IQCM: variants seen among roughly 807,000 people sequenced by gnomAD.
The protein encoded by IQCM is IQ domain-containing protein M.
IQCM carries 45 observed loss-of-function variants against 57.6 expected under a neutral mutation model. The observed-to-expected ratio is 0.78, with a 90% CI of 0.62 to 1.00. The LOEUF (loss-of-function observed/expected upper bound fraction) is 1.00, where lower values mean the gene tolerates loss of function less well. Ranked by LOEUF, IQCM falls within the 50% of genes least tolerant of loss-of-function variation. The pLI is 0.00. For synonymous variants in IQCM, 148 were observed against 158.9 expected (o/e 0.93, Z 0.51); for missense variants, 468 against 511.6 (o/e 0.91, Z 0.82).
At chr4:149,647,310 C>T (rs1304608384) in intron 7 of IQCM, among the ~76,000 whole-genome samples, 1 of 151,484 alleles carries the variant, frequency 6.6e-6, no homozygotes, top group Non-Finnish European at 1.5e-5. Flanking sequence ...ATTTTATTTT[C>T]CCTTATATTT....
chr4:149,493,585 T>C (rs1742329508), intron 12 of IQCM, among the ~76,000 whole-genome samples: 1 of 152,082 alleles, frequency 6.6e-6, no homozygotes, highest in African/African-American at 2.4e-5. Flanking sequence ...TGTGTTTGCA[T>C]TAAGTAGCCC....
chr4:149,620,363 A>G (rs1217452108), intron 8 of IQCM, among the ~76,000 whole-genome samples: 1 of 152,098 alleles, frequency 6.6e-6, no homozygotes, highest in East Asian at 1.9e-4. Context: ...AATAACAGCA[A>G]ATGGCAAGTC....
At chr4:149,459,621 C>G (rs1389869160) in intron 12 of IQCM, among the ~76,000 whole-genome samples, 1 of 152,196 alleles carries the variant, frequency 6.6e-6, no homozygotes, top group African/African-American at 2.4e-5. Flanking sequence ...TCTCCTCCCC[C>G]AGCCCCTGGC....
chr4:149,452,066 G>A (rs1737177800), intron 12 of IQCM, among the ~76,000 whole-genome samples: 2 of 151,490 alleles, frequency 1.3e-5, no homozygotes, highest in African/African-American at 2.4e-5. Context: ...TTATATATGT[G>A]CAATAAAAAT....
intron 10 of IQCM, among the ~76,000 whole-genome samples, chr4:149,555,841 G>A (rs765863496): frequency 2.0e-5 from 3 of 152,166 alleles, no homozygotes; most frequent in Non-Finnish European, 2.9e-5. Context: ...TTCAATTTGA[G>A]TACCTTTTCC....
chr4:149,782,191 A>G (rs745931395), intron 2 of IQCM, among the ~76,000 whole-genome samples: 7 of 152,194 alleles, frequency 4.6e-5, no homozygotes, highest in Non-Finnish European at 8.8e-5. Flanking sequence ...TGTTATGCAT[A>G]AGCAAGATAA....
intron 2 of IQCM, among the ~76,000 whole-genome samples, chr4:149,802,998 A>G (rs191647303): frequency 6.6e-6 from 1 of 152,098 alleles, no homozygotes; most frequent in East Asian, 1.9e-4. Flanking sequence ...CATCAACTTC[A>G]TGAGTTAGAC....
intron 12 of IQCM, among the ~76,000 whole-genome samples, chr4:149,442,300 C>T (rs1736019786): frequency 6.6e-6 from 1 of 152,016 alleles, no homozygotes; most frequent in African/African-American, 2.4e-5. Flanking sequence ...GCATTTTTCA[C>T]AATCTGGATG....
intron 5 of IQCM, among the ~76,000 whole-genome samples, chr4:149,731,253 C>T (rs553594896): frequency 1.3e-5 from 2 of 152,186 alleles, no homozygotes; most frequent in East Asian, 1.9e-4. Flanking sequence ...AATTAATGTC[C>T]TAATAAGAGA....
intron 7 of IQCM, among the ~76,000 whole-genome samples, chr4:149,680,337 A>T (rs1450215654): frequency 6.6e-6 from 1 of 151,456 alleles, no homozygotes; most frequent in African/African-American, 2.4e-5. Context: ...TTTTTAAAGC[A>T]TATAAACTAA....
At chr4:149,398,105 T>C (rs1732357520) in intron 13 of IQCM, among the ~76,000 whole-genome samples, 1 of 152,060 alleles carries the variant, frequency 6.6e-6, no homozygotes. Flanking sequence ...TTTCATTGTT[T>C]TGAATATGGT....
At chr4:149,354,289 G>A (rs914297059) in intron 13 of IQCM, among the ~76,000 whole-genome samples, 11 of 136,136 alleles carry the variant, frequency 8.1e-5, no homozygotes, top group East Asian at 6.8e-4. Context: ...GCGTGAACCC[G>A]GGAGGCGGAG....
At position 149,469,786 on chromosome 4, in the gene IQCM, T is replaced by C. The variant is rs1038710438; in HGVS notation, c.1229-36229A>G. Among the ~76,000 whole-genome samples, 7 of 152,106 alleles carry C rather than the reference T, an allele frequency of 4.6e-5. No individual in the cohort carries two copies. The East Asian group carries it at 5.8e-4, about 13-fold the overall frequency. ...TAACAGCGGATCTCTCGGCAGAAAC[T>C]CTACAAGCGAGAAGAGAGTGGAGAC... On this transcript the variant is annotated intron_variant, in intron 12 of 13. Transcript: ENST00000636793.
chr4:149,692,671 T>C (rs1490313065), intron 5 of IQCM, among the ~76,000 whole-genome samples: 1 of 152,064 alleles, frequency 6.6e-6, no homozygotes, highest in African/African-American at 2.4e-5. Flanking sequence ...AAAAGGCAAT[T>C]AAAACATATG....
At chr4:149,642,863 AC>A (rs1388897617) in intron 7 of IQCM, among the ~76,000 whole-genome samples, 1 of 152,190 alleles carries the variant, frequency 6.6e-6, no homozygotes, top group Non-Finnish European at 1.5e-5. Flanking sequence ...GAGAAAACGT[AC>A]ATTACTTTTT....
intron 5 of IQCM, among the ~76,000 whole-genome samples, chr4:149,718,003 T>C (rs1765143340): frequency 6.6e-6 from 1 of 152,144 alleles, no homozygotes; most frequent in Admixed American, 6.5e-5. Flanking sequence ...GGGGAGTATA[T>C]TTATGCCCTT....
At chr4:149,355,237 C>A (rs11941532) in intron 13 of IQCM, among the ~76,000 whole-genome samples, 42,674 of 151,608 alleles carry the variant, frequency 0.28, 6,141 homozygotes, top group Middle Eastern at 0.33. Flanking sequence ...AGTAAATATT[C>A]TTTTTTTAAT....
intron 5 of IQCM, among the ~76,000 whole-genome samples, chr4:149,727,308 C>T (rs567544263): frequency 4.9e-4 from 74 of 152,214 alleles, no homozygotes; most frequent in Middle Eastern, 3.4e-3. Flanking sequence ...CCATTTAAAA[C>T]GCATCTCTCT....
At chr4:149,469,315 T>A (rs1277973793) in intron 12 of IQCM, among the ~76,000 whole-genome samples, 1 of 152,108 alleles carries the variant, frequency 6.6e-6, no homozygotes. Flanking sequence ...GCACAAGAAC[T>A]ACGTGACGAA....
Sources: allele counts gnomAD v4.1 joint callset (sites outside exome capture counted in the v4.1 genomes callset), GRCh38; gene constraint gnomAD v4.1.1; transcripts MANE v1.5; gene names NCBI Gene and HGNC (gene_info 2026-07-23, HGNC 2026-07-21).